Variants in CFDP1 observed in about 807,000 individuals in gnomAD.
CFDP1 encodes the protein heterochromatin-stabilizing protein CFDP1.
Under a neutral mutation model 40.1 loss-of-function variants are expected in CFDP1, and 31 were observed. The observed-to-expected ratio is 0.77, with a 90% confidence interval of 0.58 to 1.04. The LOEUF is 1.04. Among genes scored for constraint, CFDP1 ranks in the 50% least tolerant of loss-of-function variants. The pLI is 0.00. For synonymous variants in CFDP1, 167 were observed against 120.0 expected (o/e 1.39, Z -2.56); for missense variants, 423 against 343.4 (o/e 1.23, Z -1.83).
chr16:75,332,772 C>G (rs1448120998), intron 5 of CFDP1, among the ~76,000 whole-genome samples: 1 of 145,832 alleles, frequency 6.9e-6, no homozygotes, highest in Non-Finnish European at 1.5e-5. Flanking sequence ...CAATTTTTTT[C>G]TGTCTGTGGC....
chr16:75,328,484 G>A (rs934128678), intron 5 of CFDP1, among the ~76,000 whole-genome samples: 3 of 147,240 alleles, frequency 2.0e-5, no homozygotes, highest in Admixed American at 6.8e-5. Context: ...TGTAATCCCA[G>A]CTACTTCGGG....
chr16:75,339,443 T>A (rs2078511329), intron 5 of CFDP1, among the ~76,000 whole-genome samples: 1 of 152,132 alleles, frequency 6.6e-6, no homozygotes, highest in Admixed American at 6.5e-5. Flanking sequence ...CTTATTAGGA[T>A]CCTCCAATGT....
Position 75,412,681 on chromosome 16 carries a change from T to C in CFDP1, c.256A>G (p.Ser86Gly). 6.2e-7 allele frequency: 1 copy of C among 1,614,176 alleles called. No individual in the cohort carries two copies. The highest frequency in any genetic ancestry group is 1.7e-5 in the Admixed American group (1 of 60,016). The part of the protein sequence containing the change: ...EDANSESEGS[S>G]SEEEDDAAEQ... ...GCAGCGTCATCTTCCTCCTCACTACTGCTTCCCTCAGATTCTGAATTGGCA... is the reference window on the plus strand; with the variant it reads ...GCAGCGTCATCTTCCTCCTCACTACCGCTTCCCTCAGATTCTGAATTGGCA... The change falls in exon 3 of 7, where the codon AGT (serine) becomes GGT (glycine). Residue 86 changes from serine (S) to glycine (G), a missense_variant. Transcript: ENST00000283882.
At chr16:75,319,447 T>A (rs909453259) in intron 5 of CFDP1, among the ~76,000 whole-genome samples, 7 of 151,838 alleles carry the variant, frequency 4.6e-5, no homozygotes, top group Non-Finnish European at 8.8e-5. Context: ...ACATCTGGGG[T>A]TGGGGGGGAA....
At chr16:75,380,455 C>T (rs1014060267) in intron 5 of CFDP1, among the ~76,000 whole-genome samples, 1 of 151,582 alleles carries the variant, frequency 6.6e-6, no homozygotes, top group Non-Finnish European at 1.5e-5. Context: ...TTTTATTTGC[C>T]ACGTGATAAT....
chr16:75,404,891 C>G (rs922396414), intron 4 of CFDP1, among the ~76,000 whole-genome samples: 4 of 152,104 alleles, frequency 2.6e-5, no homozygotes, highest in African/African-American at 9.7e-5. Flanking sequence ...CGCTGGACTT[C>G]TAGACTGGAT....
chr16:75,339,726 C>T (rs940553279), intron 5 of CFDP1, among the ~76,000 whole-genome samples: 1 of 152,154 alleles, frequency 6.6e-6, no homozygotes, highest in Non-Finnish European at 1.5e-5. Context: ...ATTGCCAGGA[C>T]ATATATCTAA....
intron 1 of CFDP1, among the ~76,000 whole-genome samples, chr16:75,417,573 G>A (rs901547193): frequency 6.6e-6 from 1 of 152,072 alleles, no homozygotes; most frequent in African/African-American, 2.4e-5. Context: ...GACACTAGAA[G>A]GATAAACAAG....
rs190457544 is a variant in CFDP1, at chr16:75,430,671, C to A, written c.64+2618G>T. 2.3e-3 allele frequency among the ~76,000 whole-genome samples: 353 copies of A among 152,238 alleles called. 1 individual carries two copies. Among genetic ancestry groups the A allele is most frequent in the African/African-American group, 7.0e-3 (289 of 41,548 alleles). On this transcript the variant is annotated intron_variant, in intron 1 of 6. Transcript: ENST00000283882. ...TAGAGATGGGGTTACACCACGTTGG[C>A]CAGGCTGGTCTTGAACTCCTGACCT...
chr16:75,401,858 A>C (rs1355049689), intron 4 of CFDP1, among the ~76,000 whole-genome samples: 1 of 152,216 alleles, frequency 6.6e-6, no homozygotes, highest in Non-Finnish European at 1.5e-5. Context: ...TATAAAAAAA[A>C]ATATGGCATG....
intron 1 of CFDP1, among the ~76,000 whole-genome samples, chr16:75,421,102 C>G (rs74024781): frequency 2.0e-5 from 3 of 152,108 alleles, no homozygotes; most frequent in Non-Finnish European, 4.4e-5. Flanking sequence ...AGGAGGCATG[C>G]GCACTGGGGT....
At chr16:75,310,297 T>G (rs1039492915) in intron 5 of CFDP1, among the ~76,000 whole-genome samples, 1 of 152,220 alleles carries the variant, frequency 6.6e-6, no homozygotes, top group Admixed American at 6.5e-5. Context: ...CAAGCTTATC[T>G]TTCTTGCATA....
At chr16:75,376,329 A>T (rs1428644212) in intron 5 of CFDP1, among the ~76,000 whole-genome samples, 1 of 152,216 alleles carries the variant, frequency 6.6e-6, no homozygotes, top group African/African-American at 2.4e-5. Flanking sequence ...GTCTTCAAAA[A>T]GATTTGGAAA....
chr16:75,404,496 C>T (rs1279902150), intron 4 of CFDP1, among the ~76,000 whole-genome samples: 1 of 152,108 alleles, frequency 6.6e-6, no homozygotes, highest in East Asian at 1.9e-4. Flanking sequence ...GCTGGGAATA[C>T]AGGCATGAGC....
chr16:75,297,347 T>C (rs2078191153), intron 6 of CFDP1, among the ~76,000 whole-genome samples: 3 of 152,092 alleles, frequency 2.0e-5, no homozygotes, highest in Admixed American at 2.0e-4. Flanking sequence ...TGACTTGACT[T>C]TACCTCTACA....
intron 1 of CFDP1, among the ~76,000 whole-genome samples, chr16:75,429,984 C>T (rs1490292838): frequency 6.6e-6 from 1 of 152,110 alleles, no homozygotes; most frequent in Non-Finnish European, 1.5e-5. Flanking sequence ...AGGCATGAGA[C>T]ATCAATCAAA....
At chr16:75,430,954 G>C (rs2079406437) in intron 1 of CFDP1, among the ~76,000 whole-genome samples, 1 of 152,158 alleles carries the variant, frequency 6.6e-6, no homozygotes, top group South Asian at 2.1e-4. Flanking sequence ...AAAGAGCCCT[G>C]GCTAAGGAGG....
chr16:75,304,389 T>G (rs1026301012), intron 6 of CFDP1, among the ~76,000 whole-genome samples: 11 of 152,244 alleles, frequency 7.2e-5, no homozygotes, highest in African/African-American at 2.7e-4. Context: ...CTTGATTTTT[T>G]GTTTAATCAC....
chr16:75,346,564 C>CA (rs1442157157), intron 5 of CFDP1, among the ~76,000 whole-genome samples: 1 of 111,504 alleles, frequency 9.0e-6, no homozygotes, highest in African/African-American at 3.7e-5. Flanking sequence ...GCCTGGGTGA[C>CA]AGAGCAAGAC....
Sources: allele counts gnomAD v4.1 joint callset (sites outside exome capture counted in the v4.1 genomes callset), GRCh38; gene constraint gnomAD v4.1.1; transcripts MANE v1.5; gene names NCBI Gene and HGNC (gene_info 2026-07-23, HGNC 2026-07-21).